The following FHOD3 variants were observed in gnomAD, a reference collection of about 807,000 sequenced individuals.
FHOD3 encodes the protein FH1/FH2 domain-containing protein 3.
FHOD3 carries 90 observed loss-of-function variants against 173.0 expected under a neutral mutation model. The ratio of observed to expected loss-of-function variants is 0.52; its 90% confidence interval spans 0.44 to 0.62. The LOEUF is 0.62. Ranked by LOEUF, FHOD3 falls within the 20% of genes least tolerant of loss-of-function variation. The pLI is 0.00. For synonymous variants in FHOD3, 828 were observed against 823.0 expected (o/e 1.01, Z -0.10); for missense variants, 1,945 against 2,034.7 (o/e 0.96, Z 0.85).
intron 17 of FHOD3, among the ~76,000 whole-genome samples, chr18:36,698,033 T>C (rs2039385298): frequency 6.6e-6 from 1 of 152,198 alleles, no homozygotes; most frequent in Non-Finnish European, 1.5e-5. Context: ...ATATTGTCCA[T>C]CATCAGCCTA....
chr18:36,704,167 C>G (rs376408270), intron 17 of FHOD3, among the ~76,000 whole-genome samples: 229 of 152,332 alleles, frequency 1.5e-3, no homozygotes, highest in African/African-American at 5.3e-3. Flanking sequence ...TTTGGCCCTT[C>G]TATTCCCCCT....
intron 5 of FHOD3, among the ~76,000 whole-genome samples, chr18:36,550,670 A>C (rs963648640): frequency 6.6e-6 from 1 of 152,166 alleles, no homozygotes; most frequent in Non-Finnish European, 1.5e-5. Context: ...CATGTAATTC[A>C]TCAATAAGTA....
intron 16 of FHOD3, 99 bp downstream of exon 16, chr18:36,687,277 C>A: frequency 2.3e-6 from 2 of 872,298 alleles, no homozygotes; most frequent in Non-Finnish European, 3.6e-6. Flanking sequence ...ATAACTGCTT[C>A]ACCTAAAACC....
intron 3 of FHOD3, among the ~76,000 whole-genome samples, chr18:36,432,384 T>C (rs1330475005): frequency 6.6e-6 from 1 of 152,234 alleles, no homozygotes; most frequent in East Asian, 1.9e-4. Flanking sequence ...TTCTGTTTCC[T>C]TAATTTCAGT....
intron 7 of FHOD3, among the ~76,000 whole-genome samples, chr18:36,601,102 T>G (rs1244965995): frequency 6.6e-6 from 1 of 152,158 alleles, no homozygotes; most frequent in African/African-American, 2.4e-5. Flanking sequence ...AACTACACCG[T>G]GGTGTGGACT....
intron 20 of FHOD3, among the ~76,000 whole-genome samples, chr18:36,732,785 C>T (rs1169788139): frequency 6.6e-6 from 1 of 152,176 alleles, no homozygotes; most frequent in Non-Finnish European, 1.5e-5. Context: ...CCTAGAGGAA[C>T]AAAGGATGAG....
intron 3 of FHOD3, among the ~76,000 whole-genome samples, chr18:36,424,825 C>G (rs573700828): frequency 1.8e-4 from 27 of 152,192 alleles, no homozygotes; most frequent in Admixed American, 3.3e-4. Context: ...GCCCTTGTCC[C>G]TAAGCTGAAA....
intron 1 of FHOD3, 31 bp downstream of exon 1, chr18:36,298,031 T>A (rs756338130): frequency 1.6e-5 from 23 of 1,472,552 alleles, no homozygotes; most frequent in Non-Finnish European, 1.9e-5. Flanking sequence ...CTGGGCCCCC[T>A]GGACTCAGCC....
At chr18:36,752,477 A>AG (rs1321052944) in intron 24 of FHOD3, among the ~76,000 whole-genome samples, 5 of 152,192 alleles carry the variant, frequency 3.3e-5, no homozygotes, top group African/African-American at 1.2e-4. Context: ...CTTACTGGTT[A>AG]GGGGGGCCAG....
intron 3 of FHOD3, among the ~76,000 whole-genome samples, chr18:36,478,015 AAG>A (rs376300236): frequency 5.1e-4 from 77 of 152,352 alleles, no homozygotes; most frequent in African/African-American, 1.7e-3. Flanking sequence ...GAGCTCTGGA[AAG>A]AGAGGCAGGA....
intron 5 of FHOD3, among the ~76,000 whole-genome samples, chr18:36,550,942 G>GA (rs1459082963): frequency 2.0e-5 from 3 of 151,980 alleles, no homozygotes; most frequent in African/African-American, 7.2e-5. Flanking sequence ...GCTATAATGT[G>GA]GAATAGTGTT....
intron 11 of FHOD3, among the ~76,000 whole-genome samples, chr18:36,652,136 G>C (rs934540771): frequency 1.3e-5 from 2 of 152,214 alleles, no homozygotes; most frequent in Non-Finnish European, 2.9e-5. Context: ...CCTCAAGGTT[G>C]GGCTTTTTAG....
intron 9 of FHOD3, among the ~76,000 whole-genome samples, chr18:36,617,582 C>CGTGTGTGT (rs1568500290): frequency 5.7e-4 from 35 of 61,398 alleles, no homozygotes; most frequent in African/African-American, 1.8e-3. Context: ...CTTGTACTTC[C>CGTGTGTGT]CTGTGTGTGT....
chr18:36,485,011 A>G (rs552039017), intron 3 of FHOD3, among the ~76,000 whole-genome samples: 1 of 152,254 alleles, frequency 6.6e-6, no homozygotes, highest in Non-Finnish European at 1.5e-5. Context: ...ATTCCCGGTG[A>G]TCACGTGCTT....
At chr18:36,425,584 A>G in intron 3 of FHOD3, among the ~76,000 whole-genome samples, 1 of 152,316 alleles carries the variant, frequency 6.6e-6, no homozygotes, top group Non-Finnish European at 1.5e-5. Context: ...GATAGTGGGG[A>G]AAAAAAGAGA....
At chr18:36,448,864 G>C (rs1204535123) in intron 3 of FHOD3, among the ~76,000 whole-genome samples, 2 of 151,736 alleles carry the variant, frequency 1.3e-5, no homozygotes, top group African/African-American at 4.8e-5. Context: ...GTCTCCTCTG[G>C]GGACTTCTCT....
At chr18:36,338,766 C>T (rs1407378204) in intron 1 of FHOD3, among the ~76,000 whole-genome samples, 1 of 152,158 alleles carries the variant, frequency 6.6e-6, no homozygotes, top group Admixed American at 6.5e-5. Context: ...GTGGCTTCTG[C>T]TCCTGGGCCT....
chr18:36,441,137 C>T lies in FHOD3; in HGVS notation c.338-60795C>T, dbSNP rs147241444. Among the ~76,000 whole-genome samples, 27 of 152,166 alleles carry T rather than the reference C, an allele frequency of 1.8e-4. No individual in the cohort carries two copies. In the East Asian group the frequency reaches 4.6e-3, roughly 26 times the overall value. On this transcript the variant is annotated intron_variant, in intron 3 of 28. Transcript: ENST00000590592. ...CTCTCTTTGTCTTTGCAACATTCTT[C>T]GCAGCTAGAATATTGCCCAGCAAGC...
chr18:36,542,473 C>T (rs1312664602), intron 5 of FHOD3, among the ~76,000 whole-genome samples: 2 of 152,218 alleles, frequency 1.3e-5, no homozygotes, highest in African/African-American at 2.4e-5. Flanking sequence ...AAAGGAAAGG[C>T]CACTCAATTT....
Sources: allele counts gnomAD v4.1 joint callset (sites outside exome capture counted in the v4.1 genomes callset), GRCh38; gene constraint gnomAD v4.1.1; transcripts MANE v1.5; gene names NCBI Gene and HGNC (gene_info 2026-07-23, HGNC 2026-07-21).